Variants in DCLRE1C observed in about 807,000 individuals in gnomAD.
The protein encoded by DCLRE1C is DNA cross-link repair 1C.
A neutral mutation model predicts 61.4 loss-of-function variants in DCLRE1C; 47 were observed. The observed-to-expected ratio is 0.77, with a 90% CI of 0.61 to 0.98. DCLRE1C has a LOEUF of 0.98. Ranked by LOEUF, DCLRE1C falls within the 50% of genes least tolerant of loss-of-function variation. The probability of loss-of-function intolerance (pLI) is 0.00; values close to 1 mark genes in which losing one functional copy is unlikely to be tolerated. For missense variants in DCLRE1C, 858 were observed against 816.0 expected (o/e 1.05, Z -0.63); for synonymous variants, 337 against 287.6 (o/e 1.17, Z -1.74).
At chr10:14,900,627 C>A (rs142596683), downstream of DCLRE1C, among the ~76,000 whole-genome samples, 45 of 152,174 alleles carry the variant, frequency 3.0e-4, no homozygotes, top group Admixed American at 1.9e-3. Flanking sequence ...TTGCATATTC[C>A]GTAAGTTTAC....
intron 4 of DCLRE1C, 22 bp downstream of exon 4, chr10:14,939,788 T>C (rs570947398): frequency 2.1e-5 from 33 of 1,573,906 alleles, no homozygotes; most frequent in Non-Finnish European, 2.9e-5. Context: ...TTTAAAAAAA[T>C]CAATATTTAA....
At chr10:14,920,187 A>G (rs2130748532) in intron 12 of DCLRE1C, among the ~76,000 whole-genome samples, 1 of 152,264 alleles carries the variant, frequency 6.6e-6, no homozygotes, top group African/African-American at 2.4e-5. Context: ...ACCTATGAAT[A>G]CAGTGACATC....
At chr10:14,920,848 G>C (rs1351414810) in intron 12 of DCLRE1C, among the ~76,000 whole-genome samples, 3 of 151,846 alleles carry the variant, frequency 2.0e-5, no homozygotes, top group African/African-American at 7.3e-5. Flanking sequence ...CAGGTGTGGT[G>C]GTGGGCGCCT....
rs575515311 is a variant in DCLRE1C, at chr10:14,947,977, C to T, written c.161+1059G>A. On this transcript the variant is annotated intron_variant, in intron 2 of 13. Coordinates refer to ENST00000378278, the MANE Select transcript of DCLRE1C (RefSeq NM_001033855.3). The stretch of plus-strand genomic sequence containing the variant: ...CGGTGGCTGAGGCAAAAGAATCACT[C>T]GAAAAGAAGTTGCAGTGAGCTGAGA... Among the ~76,000 whole-genome samples, 10 of 152,156 alleles carry T rather than the reference C, an allele frequency of 6.6e-5. No homozygotes were observed. In the South Asian group the frequency reaches 1.7e-3, roughly 25 times the overall value.
chr10:14,948,770 T>TTATATATATATA (rs35296522), intron 2 of DCLRE1C, among the ~76,000 whole-genome samples: 2 of 143,628 alleles, frequency 1.4e-5, no homozygotes, highest in Admixed American at 7.0e-5. Context: ...TTTGGTAGGA[T>TTATATATATATA]TATATATATA....
intron 4 of DCLRE1C, among the ~76,000 whole-genome samples, chr10:14,937,143 G>A (rs1840069967): frequency 6.6e-6 from 1 of 152,116 alleles, no homozygotes; most frequent in Non-Finnish European, 1.5e-5. Flanking sequence ...GTTGCCGGGG[G>A]TTGGGGAAGG....
chr10:14,953,768 G>A (rs747508859), intron 1 of DCLRE1C, 134 bp downstream of exon 1: 323 of 1,312,706 alleles, frequency 2.5e-4, no homozygotes, highest in Non-Finnish European at 3.2e-4. Context: ...AGCCCGACTG[G>A]GACAAGGCGT....
exon 14 of DCLRE1C, chr10:14,898,202 CTTTTTTTTTTTTTTTTT>C (rs919860514): frequency 1.8e-5 from 1 of 56,156 alleles, no homozygotes; most frequent in African/African-American, 7.1e-5. Context: ...AGTACTGTTT[CTTTTTTTTTTTTTTTTT>C]TTTTTTTTTT....
rs1231097112 is a variant in DCLRE1C, at chr10:14,905,838, A to T, written c.*2570T>A. Among the ~76,000 whole-genome samples, 1 of 152,154 alleles carries T rather than the reference A, an allele frequency of 6.6e-6. No individual in the cohort carries two copies. The highest frequency in any genetic ancestry group is 1.5e-5 in the Non-Finnish European group (1 of 68,032). On this transcript the variant is annotated 3_prime_UTR_variant, in exon 14 of 14. Transcript: ENST00000378278. ...TGTCTCTACTAAAAATACAAAAATT[A>T]GCCAGGTGTGGCACACACCTGTAAT...
Position 14,954,011 on chromosome 10 carries a change from A to G in DCLRE1C, c.-1T>C. ...CCATCTGCCCCTCGAAAGAACTCATAGCGCCGCCGATCCCAGAGTCCGGGA... is the reference window on the plus strand; with the variant it reads ...CCATCTGCCCCTCGAAAGAACTCATGGCGCCGCCGATCCCAGAGTCCGGGA... On this transcript the variant is annotated 5_prime_UTR_variant, in exon 1 of 14. Coordinates refer to ENST00000378278, the MANE Select transcript of DCLRE1C (RefSeq NM_001033855.3). 2 of 1,613,962 alleles carry G rather than the reference A, an allele frequency of 1.2e-6. No individual in the cohort carries two copies. The highest frequency in any genetic ancestry group is 1.7e-6 in the Non-Finnish European group (2 of 1,179,904).
chr10:14,927,590 G>GAGGGAGGGAAGA (rs1182610964), intron 10 of DCLRE1C, among the ~76,000 whole-genome samples: 1 of 129,426 alleles, frequency 7.7e-6, no homozygotes, highest in African/African-American at 3.1e-5. Context: ...GGAGAAAGGA[G>GAGGGAGGGAAGA]AGGGAGGGAA....
At chr10:14,926,187 T>TAA (rs1164140296) in intron 11 of DCLRE1C, among the ~76,000 whole-genome samples, 2 of 151,934 alleles carry the variant, frequency 1.3e-5, no homozygotes, top group African/African-American at 2.4e-5. Context: ...GTTGACAGAG[T>TAA]AAGAGCTGAA....
At chr10:14,902,323 A>C, downstream of DCLRE1C, 2 of 903,202 alleles carry the variant, frequency 2.2e-6, no homozygotes, top group Non-Finnish European at 3.3e-6. Flanking sequence ...ACTGATAATA[A>C]AGCTAATATA....
intron 13 of DCLRE1C, among the ~76,000 whole-genome samples, chr10:14,918,447 G>A (rs1056754714): frequency 1.2e-4 from 18 of 152,192 alleles, no homozygotes; most frequent in Non-Finnish European, 4.4e-5. Flanking sequence ...ATCAGTGGAT[G>A]CCTTGGCATG....
At position 14,929,330 on chromosome 10, in the gene DCLRE1C, G is replaced by T. The variant is rs185518528; in HGVS notation, c.781-1178C>A. Among the ~76,000 whole-genome samples the T allele has an allele frequency of 8.2e-3, 1,248 of 152,184 alleles. 23 individuals carry two copies. The highest frequency in any genetic ancestry group is 0.028 in the African/African-American group (1,174 of 41,508). On this transcript the variant is annotated intron_variant, in intron 9 of 13. Coordinates refer to ENST00000378278, the MANE Select transcript of DCLRE1C (RefSeq NM_001033855.3). ...GAGGCGGGAGAATCGCTTGAACCCA[G>T]GAGGTGGAGATTGCAGTGAGCCCAG...
At position 14,934,461 on chromosome 10, in the gene DCLRE1C, G is replaced by A. The variant is rs121908157; in HGVS notation, c.597C>T (p.Tyr199=). The stretch of plus-strand genomic sequence containing the variant: ...CTTTGCAGTTCAGCCACACAACATG[G>A]TACGGGCTCCGAGTGATCCAGCTTC... ...LVRSWITRSP[Y]HVVWLNCKAA... is the part of the protein sequence containing the mutation. The change falls in exon 8 of 14, where the codon TAC becomes TAT. Residue 199 remains tyrosine (Y), a synonymous_variant. Coordinates refer to ENST00000378278, the MANE Select transcript of DCLRE1C (RefSeq NM_001033855.3). 3.1e-6 allele frequency: 5 copies of A among 1,614,052 alleles called. No homozygotes were observed. In the African/African-American group the frequency reaches 6.7e-5, roughly 22 times the overall value.
At chr10:14,899,068 C>T (rs2131711517) in exon 14 of DCLRE1C, 2 of 598,286 alleles carry the variant, frequency 3.3e-6, no homozygotes, top group East Asian at 5.5e-5. Context: ...ACAGTTAATC[C>T]CAGCACTTGG....
intron 4 of DCLRE1C, among the ~76,000 whole-genome samples, 187 bp from the exon 5 acceptor site, chr10:14,936,780 T>C (rs565143025): frequency 6.6e-6 from 1 of 152,222 alleles, no homozygotes; most frequent in South Asian, 2.1e-4. Context: ...AGAATTCCCA[T>C]GGGACTGAGC....
At position 14,906,237 on chromosome 10, in the gene DCLRE1C, A is replaced by G. The variant is rs1332876628; in HGVS notation, c.*2171T>C. ...GGGGATTAGAAATGTATCTACCTCA[A>G]AGGGTGGTTGTGAAAATTAAAGGAG... is the stretch of plus-strand genomic sequence containing the variant. On this transcript the variant is annotated 3_prime_UTR_variant, in exon 14 of 14. Transcript: ENST00000378278. Among the ~76,000 whole-genome samples the G allele has an allele frequency of 6.6e-6, 1 of 152,186 alleles. No individual in the cohort carries two copies. Among genetic ancestry groups the G allele is most frequent in the Non-Finnish European group, 1.5e-5 (1 of 68,028 alleles).
Sources: gnomAD v4.1 joint callset for allele counts (sites outside exome capture counted in the v4.1 genomes callset) on GRCh38, gnomAD v4.1.1 for gene constraint, MANE v1.5 for transcripts, NCBI Gene and HGNC (gene_info 2026-07-23, HGNC 2026-07-21) for gene names.